RAPGEF4: variants seen among roughly 807,000 people sequenced by gnomAD.
The protein encoded by RAPGEF4 is Rap guanine nucleotide exchange factor 4.
A neutral mutation model predicts 147.9 loss-of-function variants in RAPGEF4; 66 were observed. That is an observed-to-expected ratio of 0.45 (90% confidence interval 0.37 to 0.55). RAPGEF4 has a LOEUF of 0.55. Among genes scored for constraint, RAPGEF4 ranks in the 20% least tolerant of loss-of-function variants. RAPGEF4 has a pLI of 0.00. For synonymous variants in RAPGEF4, 419 were observed against 442.7 expected (o/e 0.95, Z 0.67); for missense variants, 1,071 against 1,257.3 (o/e 0.85, Z 2.24).
intron 1 of RAPGEF4, among the ~76,000 whole-genome samples, chr2:172,739,204 G>A (rs558131946): frequency 6.6e-6 from 1 of 152,220 alleles, no homozygotes; most frequent in East Asian, 1.9e-4. Context: ...CAGATGTATT[G>A]TTAGAGTAAA....
intron 1 of RAPGEF4, among the ~76,000 whole-genome samples, chr2:172,770,911 T>A (rs1467011455): frequency 6.6e-6 from 1 of 152,034 alleles, no homozygotes. Context: ...GCCATGCAAA[T>A]GTAATTTTCT....
intron 6 of RAPGEF4, among the ~76,000 whole-genome samples, chr2:172,953,316 C>CTA (rs1036086546): frequency 2.0e-5 from 3 of 146,730 alleles, no homozygotes; most frequent in Non-Finnish European, 4.5e-5. Context: ...TAATAGTTCT[C>CTA]TATATATATC....
intron 1 of RAPGEF4, among the ~76,000 whole-genome samples, chr2:172,751,070 A>G (rs1462881520): frequency 6.6e-6 from 1 of 152,200 alleles, no homozygotes; most frequent in South Asian, 2.1e-4. Flanking sequence ...GGAATATAGA[A>G]AAGTTCCATA....
intron 18 of RAPGEF4, 49 bp from the exon 19 acceptor site, chr2:173,016,300 G>A (rs1164645168): frequency 3.1e-6 from 4 of 1,298,588 alleles, no homozygotes; most frequent in African/African-American, 1.5e-5. Context: ...ACAGAATCAT[G>A]TGCCTTTTGC....
rs576676200 is a variant in RAPGEF4 at position 172,978,093 on chromosome 2, G to A, written c.1005-5403G>A. Among the ~76,000 whole-genome samples, 4 of 152,280 alleles carry A rather than the reference G, an allele frequency of 2.6e-5. No homozygotes were observed. The East Asian group carries it at 7.7e-4, about 29-fold the overall frequency. The stretch of plus-strand genomic sequence containing the variant: ...GTGGACCTCTCTGAGGCATCCAGGA[G>A]TCCCCATGGAAGCCTCTCTTTCTCT... On this transcript the variant is annotated intron_variant, in intron 10 of 30. Transcript: ENST00000397081.
At chr2:173,046,974 T>C (rs1359407493) in intron 29 of RAPGEF4, among the ~76,000 whole-genome samples, 2 of 152,208 alleles carry the variant, frequency 1.3e-5, no homozygotes, top group Non-Finnish European at 2.9e-5. Context: ...TTTCTTATAC[T>C]TTGGCAAGCC....
At chr2:173,013,728 G>A (rs961558490) in intron 17 of RAPGEF4, among the ~76,000 whole-genome samples, 2 of 152,152 alleles carry the variant, frequency 1.3e-5, no homozygotes, top group South Asian at 2.1e-4. Context: ...TATCCTAGGC[G>A]TAGTGTAGAA....
chr2:172,775,362 A>G (rs577057733), intron 1 of RAPGEF4, among the ~76,000 whole-genome samples: 1 of 152,348 alleles, frequency 6.6e-6, no homozygotes, highest in African/African-American at 2.4e-5. Flanking sequence ...AGTATTCTAT[A>G]CACTAGCCTA....
At chr2:172,850,017 C>A (rs1282652482) in intron 4 of RAPGEF4, among the ~76,000 whole-genome samples, 1 of 152,126 alleles carries the variant, frequency 6.6e-6, no homozygotes, top group Non-Finnish European at 1.5e-5. Context: ...GGAATCAAGA[C>A]CTTTGCCCTC....
intron 20 of RAPGEF4, 104 bp downstream of exon 20, chr2:173,017,308 C>T (rs1695595132): frequency 8.1e-6 from 12 of 1,482,872 alleles, no homozygotes; most frequent in Admixed American, 3.4e-5. Context: ...TTTTTGTAGA[C>T]GTGAAATATA....
At chr2:172,741,886 T>C (rs1694332083) in intron 1 of RAPGEF4, among the ~76,000 whole-genome samples, 1 of 152,166 alleles carries the variant, frequency 6.6e-6, no homozygotes. Flanking sequence ...TTGCCCAGGC[T>C]GGTCTCAAAC....
Position 173,017,456 on chromosome 2 carries a change from G to T in RAPGEF4, c.1960G>T (p.Gly654Cys), listed in dbSNP as rs1181747980. The change falls in exon 21 of 31, where the codon GGC (glycine) becomes TGC (cysteine). Residue 654 changes from glycine (G) to cysteine (C), a missense_variant. By Grantham distance (159) the Gly-to-Cys change is radical. Transcript: ENST00000397081. ...GGTTCTTTTGCAACAGTTCAATACG[G>T]GCGATGAGAGAGCCCAGAAGCGCCA... ...HKVLLQQFNT[G>C]DERAQKRQPI... The T allele has an allele frequency of 6.2e-7, 1 of 1,614,160 alleles. No individual in the cohort carries two copies. The highest frequency in any genetic ancestry group is 1.3e-5 in the African/African-American group (1 of 75,040).
chr2:172,907,781 G>A (rs1374598587), intron 4 of RAPGEF4, among the ~76,000 whole-genome samples: 1 of 151,910 alleles, frequency 6.6e-6, no homozygotes, highest in Non-Finnish European at 1.5e-5. Flanking sequence ...AATATACTGG[G>A]GTTCACTTAA....
chr2:172,914,140 C>T (rs1434947647), intron 4 of RAPGEF4, among the ~76,000 whole-genome samples: 6 of 152,078 alleles, frequency 3.9e-5, no homozygotes, highest in African/African-American at 7.2e-5. Flanking sequence ...AACCCATCAT[C>T]GTCTCAGAAA....
Position 172,960,808 on chromosome 2 carries a change from A to T in RAPGEF4, c.586A>T (p.Thr196Ser). 6.2e-7 allele frequency: 1 copy of T among 1,604,998 alleles called. No individual in the cohort carries two copies. Among genetic ancestry groups the T allele is most frequent in the Non-Finnish European group, 8.5e-7 (1 of 1,174,690 alleles). The stretch of plus-strand genomic sequence containing the variant: ...TCCTCTTCGTCCTGCTAACACCATT[A>T]CCAAGGTAATGGGATGTAGGTGGGT... ...HVPLRPANTITKVPSEKILRA... is the reference protein window; with the variant it reads ...HVPLRPANTISKVPSEKILRA... Residue 196 changes from threonine to serine, a missense_variant, in exon 7 of 31, where the codon ACC becomes TCC. Transcript: ENST00000397081.
At chr2:172,820,643 G>A (rs1688974564) in intron 4 of RAPGEF4, among the ~76,000 whole-genome samples, 1 of 152,156 alleles carries the variant, frequency 6.6e-6, no homozygotes, top group Non-Finnish European at 1.5e-5. Flanking sequence ...TTAACTGACT[G>A]AAAATGTATT....
At chr2:172,948,815 A>C (rs1300845777) in intron 6 of RAPGEF4, among the ~76,000 whole-genome samples, 1 of 152,134 alleles carries the variant, frequency 6.6e-6, no homozygotes, top group African/African-American at 2.4e-5. Context: ...GGTAGAGGGT[A>C]GGAGGAGGGA....
intron 3 of RAPGEF4, among the ~76,000 whole-genome samples, chr2:172,806,055 G>T (rs1015216234): frequency 8.5e-6 from 1 of 118,174 alleles, no homozygotes; most frequent in Admixed American, 8.9e-5. Context: ...GTGTGTGTGT[G>T]TGTGTTTACT....
chr2:173,032,919 G>A (rs1358113378), intron 26 of RAPGEF4, among the ~76,000 whole-genome samples: 1 of 152,186 alleles, frequency 6.6e-6, no homozygotes, highest in East Asian at 1.9e-4. Flanking sequence ...GAGACCCAGG[G>A]GTTGGTTGAT....
Sources: allele counts gnomAD v4.1 joint callset (sites outside exome capture counted in the v4.1 genomes callset), GRCh38; gene constraint gnomAD v4.1.1; transcripts MANE v1.5; gene names NCBI Gene and HGNC (gene_info 2026-07-23, HGNC 2026-07-21).